The following BORA variants were observed in gnomAD, a reference collection of about 807,000 sequenced individuals.
BORA encodes BORA aurora kinase A activator.
BORA carries 26 observed loss-of-function variants against 55.8 expected under a neutral mutation model. That is an observed-to-expected ratio of 0.47 (90% CI 0.34 to 0.65). BORA has a LOEUF of 0.65. BORA is among the 30% of genes least tolerant of loss of function. The probability of loss-of-function intolerance (pLI) is 0.01; values close to 1 mark genes in which losing one functional copy is unlikely to be tolerated. For synonymous variants in BORA, 201 were observed against 216.9 expected, an observed-to-expected ratio of 0.93 and a Z score of 0.64; for missense variants, 568 against 671.5, an observed-to-expected ratio of 0.85 and a Z score of 1.70.
At chr13:72,748,372 C>T (rs575621275) in intron 10 of BORA, among the ~76,000 whole-genome samples, 8 of 152,254 alleles carry the variant, frequency 5.3e-5, no homozygotes, top group East Asian at 3.9e-4. Flanking sequence ...ATAGCTAATA[C>T]GCACATAGTG....
intron 10 of BORA, among the ~76,000 whole-genome samples, chr13:72,747,459 T>C (rs2033174090): frequency 6.6e-6 from 1 of 152,132 alleles, no homozygotes; most frequent in South Asian, 2.1e-4. Context: ...AGGTCTGGTA[T>C]AGTATTTGCA....
chr13:72,731,480 G>T, intron 3 of BORA, 93 bp downstream of exon 3: 1 of 920,880 alleles, frequency 1.1e-6, no homozygotes, highest in Non-Finnish European at 1.7e-6. Context: ...CTATGTAAAG[G>T]TATCAGGGAG....
chr13:72,731,320 G>A lies in BORA; in HGVS notation c.193G>A (p.Val65Ile). The stretch of plus-strand genomic sequence containing the variant: ...TAGATGGTCTATTGATCAACTAGCT[G>A]TAATAAATCCTGTAGAAATAGACCC... ...KFRWSIDQLA[V>I]INPVEIDPED... The change falls in exon 3 of 12, where the codon GTA becomes ATA. Residue 65 changes from valine to isoleucine, a missense_variant. Val to Ile is a conservative substitution (Grantham distance 29). Transcript: ENST00000390667. The A allele has an allele frequency of 6.2e-7, 1 of 1,612,234 alleles. No individual in the cohort carries two copies. The highest frequency in any genetic ancestry group is 8.5e-7 in the Non-Finnish European group (1 of 1,178,988).
chr13:72,745,565 T>C (rs1593815740), intron 8 of BORA, among the ~76,000 whole-genome samples: 1 of 152,214 alleles, frequency 6.6e-6, no homozygotes, highest in East Asian at 1.9e-4. Context: ...TATTTAGATA[T>C]GTACAGGATG....
At chr13:72,742,090 T>C (rs1045508281) in intron 5 of BORA, among the ~76,000 whole-genome samples, 5 of 152,260 alleles carry the variant, frequency 3.3e-5, no homozygotes, top group Admixed American at 3.3e-4. Context: ...GACAAAGTCA[T>C]CTGCATCCAA....
Position 72,742,541 on chromosome 13 carries a change from G to A in BORA, c.389-996G>A, listed in dbSNP as rs149930124. Among the ~76,000 whole-genome samples the A allele has an allele frequency of 1.5e-3, 226 of 151,750 alleles. 1 individual carries two copies. The highest frequency in any genetic ancestry group is 4.9e-3 in the African/African-American group (204 of 41,358). ...GTATCCCTAACCTTTTAAGGTTGACGTCATGAAGAGTAATCATCATTTCCT... is the reference window on the plus strand; with the variant it reads ...GTATCCCTAACCTTTTAAGGTTGACATCATGAAGAGTAATCATCATTTCCT... On this transcript the variant is annotated intron_variant, in intron 5 of 11. Transcript: ENST00000390667.
intron 8 of BORA, 88 bp downstream of exon 8, chr13:72,745,295 G>A (rs1045713964): frequency 8.0e-6 from 9 of 1,120,044 alleles, no homozygotes; most frequent in Non-Finnish European, 1.2e-5. Flanking sequence ...GCTTTCAGCA[G>A]CCTGAAGCCA....
intron 5 of BORA, among the ~76,000 whole-genome samples, chr13:72,738,996 C>T (rs1426684932): frequency 6.6e-6 from 1 of 152,172 alleles, no homozygotes; most frequent in East Asian, 1.9e-4. Context: ...TTAGTGGTAG[C>T]ACGCAATAGT....
chr13:72,746,886 ACT>A lies in BORA; in HGVS notation c.1258_1259del (p.Leu420ValfsTer5). 6.2e-7 allele frequency: 1 copy of A among 1,614,144 alleles called. No homozygotes were observed. Among genetic ancestry groups the A allele is most frequent in the South Asian group, 1.1e-5 (1 of 91,078 alleles). On this transcript the variant is annotated frameshift_variant, in exon 10 of 12. Coordinates refer to ENST00000390667, the MANE Select transcript of BORA (RefSeq NM_024808.5). LOFTEE classifies it high-confidence loss of function. ...QSSASEKELALLQDVEREKDN... is the reference protein window; with the variant it reads ...QSSASEKELAXLQDVEREKDN... ...CCAGTGCTTCTGAGAAAGAATTAGC[ACT>A]GTTGCAGGATGTTGAAAGGGAGAAA...
At chr13:72,741,475 T>C (rs953549735) in intron 5 of BORA, among the ~76,000 whole-genome samples, 1 of 152,240 alleles carries the variant, frequency 6.6e-6, no homozygotes, top group Non-Finnish European at 1.5e-5. Flanking sequence ...TTTTTTCCTG[T>C]TAATTTCTAA....
At chr13:72,738,999 G>C (rs1025814) in intron 5 of BORA, among the ~76,000 whole-genome samples, 1 of 151,978 alleles carries the variant, frequency 6.6e-6, no homozygotes, top group African/African-American at 2.4e-5. Context: ...GTGGTAGCAC[G>C]CAATAGTAGA....
At chr13:72,754,031 C>T (rs1004667990) in intron 11 of BORA, 12 of 464,040 alleles carry the variant, frequency 2.6e-5, no homozygotes, top group African/African-American at 4.0e-5. Flanking sequence ...GCAAAGGTAG[C>T]GTGTATTTGA....
intron 6 of BORA, 74 bp downstream of exon 6, chr13:72,743,676 A>C: frequency 9.0e-7 from 1 of 1,109,488 alleles, no homozygotes; most frequent in Non-Finnish European, 1.3e-6. Flanking sequence ...CAGTTCAGGT[A>C]GTAACACTTT....
chr13:72,729,760 C>G (rs2032772308), intron 2 of BORA, among the ~76,000 whole-genome samples: 1 of 151,940 alleles, frequency 6.6e-6, no homozygotes, highest in Non-Finnish European at 1.5e-5. Context: ...GTTTGTTTTC[C>G]CAACCATTTG....
intron 2 of BORA, among the ~76,000 whole-genome samples, chr13:72,729,573 A>G (rs1263026159): frequency 1.3e-5 from 2 of 152,230 alleles, no homozygotes; most frequent in Non-Finnish European, 2.9e-5. Context: ...CAGACAGTAA[A>G]TATTTAAGCT....
intron 2 of BORA, among the ~76,000 whole-genome samples, chr13:72,729,745 T>G (rs2032771803): frequency 6.6e-6 from 1 of 152,208 alleles, no homozygotes; most frequent in Non-Finnish European, 1.5e-5. Flanking sequence ...ACAAGATATT[T>G]TTTTGTTTGT....
At chr13:72,734,160 G>A (rs1351484806) in intron 3 of BORA, among the ~76,000 whole-genome samples, 1 of 152,082 alleles carries the variant, frequency 6.6e-6, no homozygotes, top group Non-Finnish European at 1.5e-5. Flanking sequence ...CAAGTTACCT[G>A]TGTAACCTGC....
intron 2 of BORA, among the ~76,000 whole-genome samples, 179 bp downstream of exon 2, chr13:72,729,272 G>A (rs888689112): frequency 8.2e-6 from 1 of 121,596 alleles, no homozygotes; most frequent in Admixed American, 1.0e-4. Context: ...AGGTTAATAA[G>A]TTAGCTAGAA....
intron 10 of BORA, among the ~76,000 whole-genome samples, chr13:72,751,384 TG>T (rs2033269792): frequency 6.6e-6 from 1 of 152,124 alleles, no homozygotes; most frequent in African/African-American, 2.4e-5. Context: ...ATAAAGAAAA[TG>T]TGGTATATAT....
Sources: allele counts gnomAD v4.1 joint callset (sites outside exome capture counted in the v4.1 genomes callset), GRCh38; gene constraint gnomAD v4.1.1; transcripts MANE v1.5; gene names NCBI Gene and HGNC (gene_info 2026-07-23, HGNC 2026-07-21).